The following BTD variants were observed in gnomAD, a reference collection of about 807,000 sequenced individuals.
BTD encodes the protein biotinidase.
BTD carries 13 observed loss-of-function variants against 17.7 expected under a neutral mutation model. That is an observed-to-expected ratio of 0.74 (90% confidence interval 0.48 to 1.17). The LOEUF (loss-of-function observed/expected upper bound fraction) is 1.17. BTD is among the 50% of genes most tolerant of loss of function. The pLI is 0.00. For synonymous variants in BTD, 240 were observed against 245.2 expected (o/e 0.98, Z 0.20); for missense variants, 674 against 650.4 (o/e 1.04, Z -0.39).
At chr3:15,638,863 G>A (rs1244477233) in intron 2 of BTD, among the ~76,000 whole-genome samples, 2 of 152,184 alleles carry the variant, frequency 1.3e-5, no homozygotes, top group African/African-American at 4.8e-5. Flanking sequence ...GTAACAAGTG[G>A]TAAGCATTTG....
intron 3 of BTD, among the ~76,000 whole-genome samples, chr3:15,696,859 CA>C (rs771607947): frequency 1.3e-5 from 2 of 151,944 alleles, no homozygotes; most frequent in Non-Finnish European, 2.9e-5. Context: ...TATGTAAAAC[CA>C]CTATGGAAAA....
At chr3:15,606,078 A>G (rs2064445284) in intron 1 of BTD, among the ~76,000 whole-genome samples, 1 of 149,914 alleles carries the variant, frequency 6.7e-6, no homozygotes, top group South Asian at 2.1e-4. Flanking sequence ...ATGTGAAATC[A>G]TCTTTGCACT....
intron 3 of BTD, chr3:15,676,054 T>C (rs2066904108): frequency 1.5e-6 from 2 of 1,356,726 alleles, no homozygotes; most frequent in Admixed American, 4.3e-5. Context: ...CATACACACC[T>C]GGCTGTCAAA....
Position 15,635,782 on chromosome 3 carries a change from C to T in BTD, c.249+94C>T, listed in dbSNP as rs2065332777. The stretch of plus-strand genomic sequence containing the variant: ...GGTTGGGTAATCCCAGGCTTCCTAC[C>T]ACCCTCTGAAAAAGCATCCAGGTAG... On this transcript the variant is annotated intron_variant, in intron 2 of 3. Coordinates refer to ENST00000643237, the MANE Select transcript of BTD (RefSeq NM_001370658.1). This position sits in a 1 kb window ranked among gnomAD's most constrained non-coding sequence, Gnocchi z 4.1. 1 of 1,572,888 alleles carries T rather than the reference C, an allele frequency of 6.4e-7. No homozygotes were observed. The highest frequency in any genetic ancestry group is 1.3e-5 in the African/African-American group (1 of 74,148).
At chr3:15,602,521 T>A (rs1382260662) in intron 1 of BTD, among the ~76,000 whole-genome samples, 8 of 152,198 alleles carry the variant, frequency 5.3e-5, no homozygotes, top group African/African-American at 1.7e-4. Context: ...TTGGAGTCAT[T>A]AGACCCTCTG....
chr3:15,642,123 A>G, intron 3 of BTD, 66 bp downstream of exon 3: 3 of 1,599,808 alleles, frequency 1.9e-6, no homozygotes, highest in Non-Finnish European at 2.6e-6. Context: ...AGGGACCAGA[A>G]GCTGTGACAT....
chr3:15,657,303 G>A (rs897408218), downstream of BTD, among the ~76,000 whole-genome samples: 1 of 152,208 alleles, frequency 6.6e-6, no homozygotes, highest in Non-Finnish European at 1.5e-5. Context: ...AAAAGAATTT[G>A]TGGCTATTTA....
chr3:15,716,530 A>T (rs1327047048), downstream of BTD, among the ~76,000 whole-genome samples: 1 of 151,870 alleles, frequency 6.6e-6, no homozygotes, highest in African/African-American at 2.4e-5. Context: ...GTGATTCTCC[A>T]GCCTTGGCTT....
intron 1 of BTD, among the ~76,000 whole-genome samples, chr3:15,630,656 CA>C (rs2125433424): frequency 6.6e-6 from 1 of 152,288 alleles, no homozygotes; most frequent in South Asian, 2.1e-4. Flanking sequence ...TTCTGTATAT[CA>C]TTCTCTTTTT....
intron 2 of BTD, 87 bp from the exon 3 acceptor site, chr3:15,641,821 C>A (rs752386017): frequency 7.7e-5 from 82 of 1,061,942 alleles, no homozygotes; most frequent in Non-Finnish European, 6.7e-5. Flanking sequence ...CTGATGGTTG[C>A]CAAAAGAATG....
chr3:15,643,229 A>G (rs1433601420), intron 3 of BTD, among the ~76,000 whole-genome samples: 6 of 152,238 alleles, frequency 3.9e-5, no homozygotes, highest in East Asian at 1.9e-4. Context: ...GCCTGGGCAC[A>G]GTGCTTCACA....
chr3:15,604,057 G>A (rs1212342809), intron 1 of BTD, among the ~76,000 whole-genome samples: 1 of 152,234 alleles, frequency 6.6e-6, no homozygotes, highest in African/African-American at 2.4e-5. Context: ...TCTGGGGTCT[G>A]GAGGACGGTG....
At chr3:15,663,941 G>A (rs1345414067) in intron 3 of BTD, among the ~76,000 whole-genome samples, 1 of 152,092 alleles carries the variant, frequency 6.6e-6, no homozygotes, top group Non-Finnish European at 1.5e-5. Context: ...CACTCTTGTT[G>A]CCCAGGCTGG....
chr3:15,685,461 T>A, intron 3 of BTD: 2 of 1,611,974 alleles, frequency 1.2e-6, no homozygotes, highest in Non-Finnish European at 1.7e-6. Context: ...AGAAAATAAT[T>A]TAAAGGTAGT....
downstream of BTD, chr3:15,714,661 G>C (rs185743315): frequency 2.2e-5 from 34 of 1,576,954 alleles, no homozygotes; most frequent in Admixed American, 8.0e-5. Flanking sequence ...TTTACTCTGG[G>C]GGGGGAAGAA....
rs1575014328 is a variant in BTD, at chr3:15,635,859, G to C, written c.249+171G>C. On this transcript the variant is annotated intron_variant, in intron 2 of 3. Transcript: ENST00000643237. This position sits in a 1 kb window ranked among gnomAD's most constrained non-coding sequence, Gnocchi z 4.1. Reference sequence around the variant, plus strand: ...AATTAGGAGCCTTACCCCTCAGAGAGTGGTCCGTGGACCGGCATCCCCTGG... The same window carrying C: ...AATTAGGAGCCTTACCCCTCAGAGACTGGTCCGTGGACCGGCATCCCCTGG... Among the ~76,000 whole-genome samples, 1 of 152,282 alleles carries C rather than the reference G, an allele frequency of 6.6e-6. No homozygotes were observed. Among genetic ancestry groups the C allele is most frequent in the African/African-American group, 2.4e-5 (1 of 41,546 alleles).
chr3:15,682,353 G>C (rs1225699304), intron 3 of BTD, among the ~76,000 whole-genome samples: 2 of 152,068 alleles, frequency 1.3e-5, no homozygotes, highest in Admixed American at 6.5e-5. Context: ...TCTGAGTACA[G>C]ACTGAGAAAA....
intron 1 of BTD, among the ~76,000 whole-genome samples, chr3:15,613,090 C>G (rs1163872964): frequency 6.6e-6 from 1 of 152,188 alleles, no homozygotes; most frequent in South Asian, 2.1e-4. Flanking sequence ...ACTAGATTAA[C>G]TGGCTTGGGA....
At chr3:15,703,997 T>C (rs558652319) in intron 3 of BTD, among the ~76,000 whole-genome samples, 12 of 152,086 alleles carry the variant, frequency 7.9e-5, no homozygotes, top group Non-Finnish European at 1.2e-4. Flanking sequence ...TTCCTTATAA[T>C]CAGGAAAAAC....
Sources: allele counts gnomAD v4.1 joint callset (sites outside exome capture counted in the v4.1 genomes callset), GRCh38; gene constraint gnomAD v4.1.1; non-coding constraint Gnocchi (gnomAD v3.1); transcripts MANE v1.5; gene names NCBI Gene and HGNC (gene_info 2026-07-23, HGNC 2026-07-21).